DYSF: variants seen among roughly 807,000 people sequenced by gnomAD.
The protein encoded by DYSF is dystrophy-associated fer-1-like 1.
In DYSF, 212 loss-of-function variants were observed where a neutral mutation model predicts 274.9. That is an observed-to-expected ratio of 0.77 (90% confidence interval 0.69 to 0.86). The LOEUF (loss-of-function observed/expected upper bound fraction) is 0.86, where lower values mean the gene tolerates loss of function less well. DYSF is among the 40% of genes least tolerant of loss of function. The probability of loss-of-function intolerance (pLI) is 0.00; values close to 1 mark genes in which losing one functional copy is unlikely to be tolerated. For missense variants in DYSF, 2,666 were observed against 2,783.2 expected (o/e 0.96, Z 0.95); for synonymous variants, 1,091 against 1,078.7 (o/e 1.01, Z -0.22).
Position 71,516,312 on chromosome 2 carries a change from G to A in DYSF, c.951+70G>A. 2.7e-6 allele frequency: 4 copies of A among 1,457,264 alleles called. No individual in the cohort carries two copies. The South Asian group carries it at 3.4e-5, about 12-fold the overall frequency. The allele number at this position is 1,457,264 out of a possible 1,614,324, so 90.3% of individuals were successfully genotyped here. A position where few individuals can be genotyped will look rare whatever the true frequency, so the allele number is the denominator to read the frequency against. ...CACATAGGTGTCAGTGCACACGCGT[G>A]TGTGTTTGTGCACGTGTGTGCATGT... On this transcript the variant is annotated intron_variant, in intron 9 of 55. Transcript: ENST00000410020.
chr2:71,589,520 C>T, intron 30 of DYSF, 73 bp from the exon 31 acceptor site: 1 of 1,214,794 alleles, frequency 8.2e-7, no homozygotes, highest in South Asian at 1.2e-5. Flanking sequence ...GGGGATCTAA[C>T]TCTCTGGGCT....
intron 3 of DYSF, among the ~76,000 whole-genome samples, chr2:71,482,314 C>G (rs2082982403): frequency 6.6e-6 from 1 of 152,204 alleles, no homozygotes; most frequent in Non-Finnish European, 1.5e-5. Context: ...CTTTCCCGGC[C>G]CAGCCCAGGC....
intron 29 of DYSF, among the ~76,000 whole-genome samples, chr2:71,572,461 A>G (rs1021646906): frequency 2.0e-5 from 3 of 151,494 alleles, no homozygotes; most frequent in Admixed American, 6.5e-5. Context: ...GAAGATGGAA[A>G]GACACCCATG....
intron 12 of DYSF, 120 bp from the exon 13 acceptor site, chr2:71,526,100 C>G: frequency 6.4e-7 from 1 of 1,554,870 alleles, no homozygotes; most frequent in Non-Finnish European, 8.9e-7. Context: ...AGTGTCGGAG[C>G]GCAGTCTGCC....
intron 3 of DYSF, among the ~76,000 whole-genome samples, chr2:71,498,536 T>C (rs2084648542): frequency 6.6e-6 from 1 of 152,226 alleles, no homozygotes; most frequent in African/African-American, 2.4e-5. Flanking sequence ...ATAGTGACGT[T>C]ATCCATAGGA....
At chr2:71,541,577 T>C (rs2089934918) in intron 17 of DYSF, among the ~76,000 whole-genome samples, 1 of 152,018 alleles carries the variant, frequency 6.6e-6, no homozygotes. Flanking sequence ...ATCTTTGCAC[T>C]CTTTAACTGT....
chr2:71,466,140 C>G (rs1015595337), upstream of DYSF, among the ~76,000 whole-genome samples: 1 of 152,174 alleles, frequency 6.6e-6, no homozygotes, highest in Non-Finnish European at 1.5e-5. Context: ...ACCTAGACAG[C>G]CTGCGGACGG....
chr2:71,610,272 G>C (rs1257158535), intron 36 of DYSF, among the ~76,000 whole-genome samples: 1 of 152,228 alleles, frequency 6.6e-6, no homozygotes, highest in Non-Finnish European at 1.5e-5. Flanking sequence ...AGGTTTACAT[G>C]AAGCTCTAAA....
At position 71,611,617 on chromosome 2, in the gene DYSF, C is replaced by T. The variant is rs555086420; in HGVS notation, c.4212C>T (p.Phe1404=). 8.1e-6 allele frequency: 13 copies of T among 1,613,830 alleles called. No individual in the cohort carries two copies. The East Asian group carries it at 1.6e-4, about 19-fold the overall frequency. The stretch of plus-strand genomic sequence containing the variant: ...CCAACTTTGACATCTGCACCCTCTT[C>T]ATGGAAGTGGTGAGCCCCACCTCCC... ...KNPNFDICTL[F]MEVMLPREEL... Residue 1404 remains phenylalanine, a synonymous_variant, in exon 38 of 56, where the codon TTC becomes TTT. Transcript: ENST00000410020.
intron 41 of DYSF, among the ~76,000 whole-genome samples, chr2:71,623,464 G>T (rs573620061): frequency 6.6e-6 from 1 of 151,976 alleles, no homozygotes; most frequent in Non-Finnish European, 1.5e-5. Flanking sequence ...CTGATTAAAA[G>T]TCCTGCAAAT....
intron 24 of DYSF, among the ~76,000 whole-genome samples, chr2:71,566,829 G>A (rs1007827794): frequency 1.3e-5 from 2 of 152,208 alleles, no homozygotes; most frequent in Non-Finnish European, 2.9e-5. Flanking sequence ...AAAAGAAGGG[G>A]GGCTGTGTCC....
chr2:71,463,492 C>A (rs1255981883), upstream of DYSF, among the ~76,000 whole-genome samples: 1 of 152,194 alleles, frequency 6.6e-6, no homozygotes, highest in East Asian at 1.9e-4. Flanking sequence ...CCCACCTGTT[C>A]CCAGCCCCCA....
At chr2:71,472,028 T>C (rs1401221647) in intron 1 of DYSF, among the ~76,000 whole-genome samples, 1 of 152,230 alleles carries the variant, frequency 6.6e-6, no homozygotes, top group African/African-American at 2.4e-5. Flanking sequence ...GTAAGTATTC[T>C]TCTATAACAC....
chr2:71,651,448 A>G lies in DYSF; in HGVS notation c.4627-4714A>G, dbSNP rs953524285. On this transcript the variant is annotated intron_variant, in intron 42 of 55. Transcript: ENST00000410020. ...TTTGAAAATGTCCTTAAAATGAGAT[A>G]ATGTGAAGGAAAAGAGAAACAGAAC... Among the ~76,000 whole-genome samples, 5 of 152,250 alleles carry G rather than the reference A, an allele frequency of 3.3e-5. No individual in the cohort carries two copies. In the South Asian group the frequency reaches 1.0e-3, roughly 32 times the overall value.
rs562663838 is a variant in DYSF at position 71,611,127 on chromosome 2, C to T, written c.3958-118C>T. ...CCCTGTTTGTCCACTTCTGTCTTTC[C>T]TTCTCTGTTTCTCCCTGCACTTGGC... On this transcript the variant is annotated intron_variant, in intron 36 of 55. Transcript: ENST00000410020. 13 of 822,902 alleles carry T rather than the reference C, an allele frequency of 1.6e-5. No homozygotes were observed. The East Asian group carries it at 2.9e-4, about 18-fold the overall frequency. The allele number at this position is 822,902 out of a possible 1,614,324, so 51.0% of individuals were successfully genotyped here. A position where few individuals can be genotyped will look rare whatever the true frequency, so the allele number is the denominator to read the frequency against.
In DYSF at chr2:71,454,952, G is replaced by T. The variant is rs553592177; in HGVS notation, c.88+866G>T. 1.6e-4 allele frequency among the ~76,000 whole-genome samples: 25 copies of T among 152,238 alleles called. No individual in the cohort carries two copies. The South Asian group carries it at 5.0e-3, about 30-fold the overall frequency. ...CATACTGGGGGAGAAGAACTAGGGG[G>T]AAAGAGTGTGAACCTCCCACCCAGC... On this transcript the variant is annotated intron_variant, in intron 1 of 54. Transcript: ENST00000258104.
At chr2:71,471,174 AAAT>A (rs1472541412) in intron 1 of DYSF, among the ~76,000 whole-genome samples, 1 of 152,214 alleles carries the variant, frequency 6.6e-6, no homozygotes, top group Non-Finnish European at 1.5e-5. Context: ...CAAGAGTAAA[AAAT>A]AGCCCCAAAT....
chr2:71,618,467 T>G, intron 40 of DYSF, among the ~76,000 whole-genome samples: 2 of 127,458 alleles, frequency 1.6e-5, no homozygotes, highest in East Asian at 2.4e-4. Flanking sequence ...TGTGTGTGTG[T>G]GGTAGAGGTG....
intron 30 of DYSF, 83 bp downstream of exon 30, chr2:71,574,454 C>G (rs1558514099): frequency 6.6e-7 from 1 of 1,518,330 alleles, no homozygotes; most frequent in Non-Finnish European, 8.9e-7. Context: ...GGGAGAGGCA[C>G]AGGGACCCCA....
Sources: allele counts gnomAD v4.1 joint callset (sites outside exome capture counted in the v4.1 genomes callset), GRCh38; gene constraint gnomAD v4.1.1; transcripts MANE v1.5; gene names NCBI Gene and HGNC (gene_info 2026-07-23, HGNC 2026-07-21).